ZNF695: variants seen among roughly 807,000 people sequenced by gnomAD.
The protein encoded by ZNF695 is zinc finger protein 695.
Under a neutral mutation model 11.2 loss-of-function variants are expected in ZNF695, and 11 were observed. The ratio of observed to expected loss-of-function variants is 0.98; its 90% CI spans 0.62 to 1.62. ZNF695 has a LOEUF of 1.62. Among genes scored for constraint, ZNF695 ranks in the 40% most tolerant of loss-of-function variants. The pLI is 0.00. For synonymous variants in ZNF695, 190 were observed against 201.4 expected (o/e 0.94, Z 0.48); for missense variants, 559 against 590.5 (o/e 0.95, Z 0.55).
chr1:246,982,932 G>A (rs759506537), downstream of ZNF695, among the ~76,000 whole-genome samples: 8 of 152,106 alleles, frequency 5.3e-5, no homozygotes, highest in African/African-American at 1.2e-4. Context: ...GGCCGGGCAC[G>A]GTGGCTCACG....
At chr1:246,948,230 C>T (rs566837806) in intron 5 of ZNF695, among the ~76,000 whole-genome samples, 83 of 152,138 alleles carry the variant, frequency 5.5e-4, no homozygotes, top group Non-Finnish European at 3.2e-4. Flanking sequence ...CTCACCACCA[C>T]GCCTGGCTAA....
chr1:246,967,732 G>A (rs988799594), exon 5 of ZNF695: 2 of 399,174 alleles, frequency 5.0e-6, no homozygotes, highest in Non-Finnish European at 9.9e-6. Flanking sequence ...TTCTGGGGAG[G>A]CCTCAGGAAA....
chr1:246,975,305 C>T (rs932065507), intron 4 of ZNF695, among the ~76,000 whole-genome samples: 9 of 152,224 alleles, frequency 5.9e-5, no homozygotes, highest in East Asian at 1.9e-4. Flanking sequence ...ATTGTAACTT[C>T]GGAACACTGA....
At chr1:246,983,055 T>A (rs1172904028), downstream of ZNF695, among the ~76,000 whole-genome samples, 1 of 151,382 alleles carries the variant, frequency 6.6e-6, no homozygotes, top group African/African-American at 2.4e-5. Context: ...TACAAAAAAA[T>A]TAGCCGGGTG....
intron 4 of ZNF695, among the ~76,000 whole-genome samples, chr1:246,972,796 G>A (rs1258339572): frequency 6.6e-6 from 1 of 151,992 alleles, no homozygotes; most frequent in African/African-American, 2.4e-5. Context: ...GGGATTGCAG[G>A]CGTGAGCCAC....
chr1:246,982,037 G>A (rs756904489), downstream of ZNF695, among the ~76,000 whole-genome samples: 129 of 152,244 alleles, frequency 8.5e-4, no homozygotes, highest in Non-Finnish European at 1.4e-3. Context: ...TTGAGAGGAC[G>A]AGGTGGGCGG....
At chr1:246,978,908 A>T (rs1041644207) in intron 4 of ZNF695, among the ~76,000 whole-genome samples, 3 of 152,188 alleles carry the variant, frequency 2.0e-5, no homozygotes, top group Admixed American at 2.0e-4. Flanking sequence ...CAGTGAAGAC[A>T]GTGGCCCGCG....
intron 5 of ZNF695, among the ~76,000 whole-genome samples, chr1:246,950,674 A>G (rs1051918672): frequency 1.4e-5 from 2 of 139,914 alleles, no homozygotes; most frequent in Admixed American, 1.5e-4. Flanking sequence ...AAAAAAAAAA[A>G]AAATCCACCC....
intron 3 of ZNF695, among the ~76,000 whole-genome samples, chr1:246,989,747 G>A (rs1046008870): frequency 6.6e-6 from 1 of 152,222 alleles, no homozygotes; most frequent in Non-Finnish European, 1.5e-5. Flanking sequence ...GCCAGGTGCA[G>A]TGGCTCACAC....
At chr1:246,949,871 T>C (rs1030552111) in intron 5 of ZNF695, among the ~76,000 whole-genome samples, 15 of 152,246 alleles carry the variant, frequency 9.9e-5, no homozygotes, top group African/African-American at 3.4e-4. Context: ...TTTGTATGTG[T>C]CTTTAAATAT....
intron 1 of ZNF695, among the ~76,000 whole-genome samples, chr1:247,002,139 C>G (rs937204706): frequency 2.6e-5 from 4 of 152,034 alleles, no homozygotes; most frequent in African/African-American, 9.7e-5. Context: ...ACCAACCACA[C>G]TCTCAAGACC....
intron 5 of ZNF695, among the ~76,000 whole-genome samples, chr1:246,947,001 G>A (rs1320789297): frequency 3.3e-5 from 5 of 152,066 alleles, no homozygotes; most frequent in South Asian, 2.1e-4. Flanking sequence ...TTAGCCGGGC[G>A]TGGTGGCGGG....
At chr1:246,949,945 T>C (rs774685363) in intron 5 of ZNF695, among the ~76,000 whole-genome samples, 7 of 152,224 alleles carry the variant, frequency 4.6e-5, no homozygotes, top group Non-Finnish European at 1.0e-4. Context: ...GCTTCAGATT[T>C]ACGGCTTAAG....
chr1:247,005,615 G>C (rs1407159702), intron 1 of ZNF695, among the ~76,000 whole-genome samples: 1 of 152,064 alleles, frequency 6.6e-6, no homozygotes, highest in African/African-American at 2.4e-5. Context: ...TCGGGAGGCT[G>C]AGGCACGAGA....
At chr1:246,970,944 T>A (rs1668408814) in intron 4 of ZNF695, among the ~76,000 whole-genome samples, 1 of 152,108 alleles carries the variant, frequency 6.6e-6, no homozygotes, top group East Asian at 1.9e-4. Flanking sequence ...ATTGGGTCTG[T>A]GGGTTTTTCT....
rs999370119 is a variant in ZNF695, at chr1:246,990,198, A to T, written c.260-1943T>A. Reference sequence around the variant, plus strand: ...AAAGAAAGGAAAGGAAGGAAAAGAGAAAGAGAGAGAGAAAGAAAGACACTT... The same window carrying T: ...AAAGAAAGGAAAGGAAGGAAAAGAGTAAGAGAGAGAGAAAGAAAGACACTT... On this transcript the variant is annotated intron_variant, in intron 3 of 3. Coordinates refer to ENST00000339986, the MANE Select transcript of ZNF695 (RefSeq NM_020394.5). 1.4e-3 allele frequency among the ~76,000 whole-genome samples: 6 copies of T among 4,256 alleles called. 1 individual carries two copies. The South Asian group carries it at 0.027, about 19-fold the overall frequency. 2.8% of individuals were successfully genotyped at this position (4,256 alleles called of 152,430 possible). A position where few individuals can be genotyped will look rare whatever the true frequency, so the allele number is the denominator to read the frequency against.
rs576702861 is a variant in ZNF695, at chr1:246,962,307, T to C, written c.488+5388A>G. ...GGCCCTCATGGCCCAGTCACAGGAA[T>C]ATGGCTAGCAAGGCAGCACGACTGC... is the stretch of plus-strand genomic sequence containing the variant. On this transcript the variant is annotated intron_variant, in intron 5 of 5. Coordinates refer to the ZNF695 transcript ENST00000487338. Among the ~76,000 whole-genome samples, 5 of 152,230 alleles carry C rather than the reference T, an allele frequency of 3.3e-5. No individual in the cohort carries two copies. The East Asian group carries it at 5.8e-4, about 18-fold the overall frequency.
rs781446097 is a variant in ZNF695 at position 246,988,090 on chromosome 1, T to C, written c.425A>G (p.Asn142Ser). 1.4e-5 allele frequency: 22 copies of C among 1,613,332 alleles called. No individual in the cohort carries two copies. Among genetic ancestry groups the C allele is most frequent in the Middle Eastern group, 3.3e-4 (2 of 6,084 alleles). Residue 142 changes from asparagine (N) to serine (S), a missense_variant, in exon 4 of 4, where the codon AAT becomes AGT. Asn to Ser is a conservative substitution (Grantham distance 46). Coordinates refer to ENST00000339986, the MANE Select transcript of ZNF695 (RefSeq NM_020394.5). ...AGTTGCTGAGCATAGGTCAAGTCCATTATAACTTGCCTTCTGCCCTTTCCA... is the reference window on the plus strand; with the variant it reads ...AGTTGCTGAGCATAGGTCAAGTCCACTATAACTTGCCTTCTGCCCTTTCCA... ...GEWKGQKASY[N>S]GLDLCSATTH...
At position 246,987,843 on chromosome 1, in the gene ZNF695, G is replaced by A. The variant is rs1024712287; in HGVS notation, c.672C>T (p.Cys224=). ...TTCTCTTACAGTCAGTAAAGCATGA[G>A]CACTCATTAAAGGCTTTGCCACATT... ...CKKCGKAFNE[C]SCFTDCKRIH... Residue 224 remains cysteine, a synonymous_variant, in exon 4 of 4, where the codon TGC becomes TGT. Coordinates refer to ENST00000339986, the MANE Select transcript of ZNF695 (RefSeq NM_020394.5). 1.9e-6 allele frequency: 3 copies of A among 1,611,336 alleles called. No individual in the cohort carries two copies. The highest frequency in any genetic ancestry group is 1.7e-5 in the Admixed American group (1 of 59,354).
Sources: allele counts gnomAD v4.1 joint callset (sites outside exome capture counted in the v4.1 genomes callset), GRCh38; gene constraint gnomAD v4.1.1; transcripts MANE v1.5; gene names NCBI Gene and HGNC (gene_info 2026-07-23, HGNC 2026-07-21).